TRIM45: variants seen among roughly 807,000 people sequenced by gnomAD.
TRIM45 encodes E3 ubiquitin-protein ligase TRIM45.
TRIM45 carries 45 observed loss-of-function variants against 46.7 expected under a neutral mutation model. The observed-to-expected ratio is 0.96, with a 90% CI of 0.76 to 1.24. The LOEUF (loss-of-function observed/expected upper bound fraction) is 1.24. Ranked by LOEUF, TRIM45 falls within the 50% of genes most tolerant of loss-of-function variation. The pLI is 0.00. For synonymous variants in TRIM45, 259 were observed against 285.8 expected (o/e 0.91, Z 0.94); for missense variants, 680 against 728.4 (o/e 0.93, Z 0.77).
intron 5 of TRIM45, 106 bp from the exon 6 acceptor site, chr1:117,112,559 G>C: frequency 8.9e-7 from 1 of 1,125,554 alleles, no homozygotes; most frequent in Non-Finnish European, 1.2e-6. Context: ...AGATTCATGG[G>C]AGTGAAAATA....
In TRIM45 at chr1:117,116,520, T is replaced by C. The variant is rs902474487; in HGVS notation, c.1352+96A>G. The C allele has an allele frequency of 1.1e-5, 17 of 1,505,700 alleles. No individual in the cohort carries two copies. The African/African-American group carries it at 2.3e-4, about 21-fold the overall frequency. 93.3% of individuals were successfully genotyped at this position (1,505,700 alleles called of 1,614,324 possible). On this transcript the variant is annotated intron_variant, in intron 3 of 5. Coordinates refer to ENST00000256649, the MANE Select transcript of TRIM45 (RefSeq NM_025188.4). The surrounding 1 kb of genome is among the most constrained non-coding windows in gnomAD (Gnocchi z 4.6). ...TCCCAAAGTGCTGGGATTACAGGCA[T>C]GAGCCACTGTGCCCAGCTCCAATAT...
Position 117,115,663 on chromosome 1 carries a change from T to A in TRIM45, c.1379A>T (p.Asn460Ile), listed in dbSNP as rs1650373198. Residue 460 changes from asparagine to isoleucine, a missense_variant, in exon 4 of 6, where the codon AAC becomes ATC. Physicochemically the swap from Asn to Ile is moderately radical, Grantham distance 149 (BLOSUM62 -3). Transcript: ENST00000256649. This position sits in a 1 kb window ranked among gnomAD's most constrained non-coding sequence, Gnocchi z 4.2. ...GGAAATGTAGTATGTCCCATCCTTG[T>A]TATCCTGGACCATTGTTCTGACTGG... The part of the protein sequence containing the change: ...DSPVRTMVQD[N>I]KDGTYYISYT... The A allele has an allele frequency of 6.2e-7, 1 of 1,613,944 alleles. No individual in the cohort carries two copies. Among genetic ancestry groups the A allele is most frequent in the African/African-American group, 1.3e-5 (1 of 74,914 alleles).
rs2101348141 is a variant in TRIM45, at chr1:117,118,270, T to A, written c.986A>T (p.Glu329Val). The change falls in exon 2 of 6, where the codon GAG becomes GTG. Residue 329 changes from glutamate (E) to valine (V), a missense_variant. Glu to Val is a moderately radical substitution (Grantham distance 121). Coordinates refer to ENST00000256649, the MANE Select transcript of TRIM45 (RefSeq NM_025188.4). This position sits in a 1 kb window ranked among gnomAD's most constrained non-coding sequence, Gnocchi z 5.7. ...QLLADMRTGV[E>V]FTEHLLTSGS... The stretch of plus-strand genomic sequence containing the variant: ...GCTGGTCAGCAAGTGCTCGGTGAAC[T>A]CCACTCCAGTCCGCATGTCTGCCAG... The A allele has an allele frequency of 6.2e-7, 1 of 1,614,180 alleles. No individual in the cohort carries two copies. Among genetic ancestry groups the A allele is most frequent in the East Asian group, 2.2e-5 (1 of 44,880 alleles).
Position 117,115,618 on chromosome 1 carries a change from C to A in TRIM45, c.1424G>T (p.Gly475Val). Residue 475 changes from glycine to valine, a missense_variant, in exon 4 of 6, where the codon GGC (glycine) becomes GTC (valine). This residue lies in a region of TRIM45 where 322 missense variants were observed against 359.3 expected (regional missense o/e 0.90). Coordinates refer to ENST00000256649, the MANE Select transcript of TRIM45 (RefSeq NM_025188.4). This position sits in a 1 kb window ranked among gnomAD's most constrained non-coding sequence, Gnocchi z 4.2. ...YYISYTPKEP[G>V]VYTVWVCIKE... ...GATGCAGACCCACACAGTATAGACG[C>A]CAGGTTCCTTGGGGGTGTAGGAAAT... 2 of 1,614,154 alleles carry A rather than the reference C, an allele frequency of 1.2e-6. No homozygotes were observed. Among genetic ancestry groups the A allele is most frequent in the African/African-American group, 1.3e-5 (1 of 75,028 alleles).
At position 117,111,162 on chromosome 1, in the gene TRIM45, C is replaced by T. The variant is rs1025731830; in HGVS notation, c.*1143G>A. The T allele has an allele frequency of 4.6e-5, 7 of 152,154 alleles. No individual in the cohort carries two copies. Among genetic ancestry groups the T allele is most frequent in the Non-Finnish European group, 8.8e-5 (6 of 68,024 alleles). 9.4% of individuals were successfully genotyped at this position (152,154 alleles called of 1,614,324 possible). ...GAAGACCTTGGCAGGGCTGAGGCACCAGTGCTGTGTACATCCTCTCCCCAA... is the reference window on the plus strand; with the variant it reads ...GAAGACCTTGGCAGGGCTGAGGCACTAGTGCTGTGTACATCCTCTCCCCAA... On this transcript the variant is annotated 3_prime_UTR_variant, in exon 6 of 6. Coordinates refer to ENST00000256649, the MANE Select transcript of TRIM45 (RefSeq NM_025188.4).
At position 117,118,132 on chromosome 1, in the gene TRIM45, C is replaced by T. The variant is rs749902; in HGVS notation, c.1124G>A (p.Cys375Tyr). ...GCACTGGCCTGCTTTCTCCTGAGGA[C>T]AGAAGCGTATCTTATCATTTACTCC... ...RPGVNDKIRF[C>Y]PQEKAGQCRG... Residue 375 changes from cysteine to tyrosine, a missense_variant, in exon 2 of 6, where the codon TGT (cysteine) becomes TAT (tyrosine). This residue lies in a region of TRIM45 where 322 missense variants were observed against 359.3 expected (regional missense o/e 0.90). Coordinates refer to ENST00000256649, the MANE Select transcript of TRIM45 (RefSeq NM_025188.4). The surrounding 1 kb of genome is among the most constrained non-coding windows in gnomAD (Gnocchi z 5.7). 508,986 of 1,613,988 alleles carry T rather than the reference C, an allele frequency of 0.32. 83,870 individuals are homozygous for T. The highest frequency in any genetic ancestry group is 0.37 in the Admixed American group (22,123 of 60,002).
At position 117,117,346 on chromosome 1, in the gene TRIM45, T is replaced by A. The variant is rs1650438718; in HGVS notation, c.1223-601A>T. ...GGAATTGTATGCACAAGTTACTGGGTGTTTCTGTAGGAGAGAACATTCTCA... is the reference window on the plus strand; with the variant it reads ...GGAATTGTATGCACAAGTTACTGGGAGTTTCTGTAGGAGAGAACATTCTCA... On this transcript the variant is annotated intron_variant, in intron 2 of 5. Transcript: ENST00000256649. This position sits in a 1 kb window ranked among gnomAD's most constrained non-coding sequence, Gnocchi z 4.9. 6.6e-6 allele frequency among the ~76,000 whole-genome samples: 1 copy of A among 152,212 alleles called. No homozygotes were observed. The highest frequency in any genetic ancestry group is 1.5e-5 in the Non-Finnish European group (1 of 68,034).
rs990577107 is a variant in TRIM45, at chr1:117,121,725, G to A, written c.-524C>T. ...TGTCCACCGCCTCTCCCGCGCCTCG[G>A]CCCGGGACGCCCGCGGGCTCTGGCC... is the stretch of plus-strand genomic sequence containing the variant. On this transcript the variant is annotated 5_prime_UTR_variant, in exon 1 of 6. Transcript: ENST00000256649. The surrounding 1 kb of genome is among the most constrained non-coding windows in gnomAD (Gnocchi z 4.2). The A allele has an allele frequency of 4.0e-5, 24 of 603,102 alleles. No individual in the cohort carries two copies. Among genetic ancestry groups the A allele is most frequent in the African/African-American group, 2.9e-4 (15 of 51,124 alleles). The allele number at this position is 603,102 out of a possible 1,614,324, so 37.4% of individuals were successfully genotyped here.
Position 117,112,165 on chromosome 1 carries a change from A to C in TRIM45, c.*140T>G. 2.3e-6 allele frequency: 2 copies of C among 878,572 alleles called. No homozygotes were observed. The highest frequency in any genetic ancestry group is 3.1e-6 in the Non-Finnish European group (2 of 637,710). The allele number at this position is 878,572 out of a possible 1,614,324, so 54.4% of individuals were successfully genotyped here. A position where few individuals can be genotyped will look rare whatever the true frequency, so the allele number is the denominator to read the frequency against. ...AAGTACAATCAGTGAATAACTAACA[A>C]AAGAGCACTTGAACTCCAGTGCAAG... On this transcript the variant is annotated 3_prime_UTR_variant, in exon 6 of 6. Coordinates refer to ENST00000256649, the MANE Select transcript of TRIM45 (RefSeq NM_025188.4).
rs138895847 is a variant in TRIM45 at position 117,113,754 on chromosome 1, T to C, written c.1468-269A>G. On this transcript the variant is annotated intron_variant, in intron 4 of 5. Transcript: ENST00000256649. The surrounding 1 kb of genome is among the most constrained non-coding windows in gnomAD (Gnocchi z 4.0). ...AGTACTAGACGTAGGTACTGATTTA[T>C]TCCATGTAGCTGAACCTGCTGGACA... is the stretch of plus-strand genomic sequence containing the variant. 1.2e-3 allele frequency among the ~76,000 whole-genome samples: 188 copies of C among 152,324 alleles called. No individual in the cohort carries two copies. The highest frequency in any genetic ancestry group is 4.3e-3 in the African/African-American group (180 of 41,582).
Position 117,112,117 on chromosome 1 carries a change from G to T in TRIM45, c.*188C>A, listed in dbSNP as rs1007441070. The T allele has an allele frequency of 1.8e-6, 1 of 560,228 alleles. No homozygotes were observed. The highest frequency in any genetic ancestry group is 2.8e-6 in the Non-Finnish European group (1 of 356,478). The allele number at this position is 560,228 out of a possible 1,614,324, so 34.7% of individuals were successfully genotyped here. On this transcript the variant is annotated 3_prime_UTR_variant, in exon 6 of 6. Transcript: ENST00000256649. ...TACCTTTAAGAGAAATGTAGAGGTG[G>T]TTTTTTGTGCTCAACCATCCACAAG...
upstream of TRIM45, among the ~76,000 whole-genome samples, chr1:117,122,920 G>C (rs1188889209): frequency 6.6e-6 from 1 of 151,404 alleles, no homozygotes; most frequent in African/African-American, 2.4e-5. Context: ...TACTTAATTT[G>C]TACCCAGTGG....
upstream of TRIM45, among the ~76,000 whole-genome samples, chr1:117,123,851 G>T (rs531532272): frequency 6.6e-6 from 1 of 151,906 alleles, no homozygotes; most frequent in African/African-American, 2.4e-5. Flanking sequence ...GGCTCCTCTC[G>T]AACTCCTGAC....
chr1:117,122,726 C>T (rs985788564), upstream of TRIM45: 5 of 152,226 alleles, frequency 3.3e-5, no homozygotes, highest in African/African-American at 1.2e-4. Context: ...GGAAGATGAA[C>T]ACGTCCGACC....
rs1295628232 is a variant in TRIM45, at chr1:117,111,105, A to G, written c.*1200T>C. On this transcript the variant is annotated 3_prime_UTR_variant, in exon 6 of 6. Coordinates refer to ENST00000256649, the MANE Select transcript of TRIM45 (RefSeq NM_025188.4). ...GTTTATTGCCATATAAGAAATCAAG[A>G]GTTTCAGAAGAACACACAAAATATA... 2.6e-5 allele frequency: 4 copies of G among 152,236 alleles called. No individual in the cohort carries two copies. The highest frequency in any genetic ancestry group is 9.6e-5 in the African/African-American group (4 of 41,454). 9.4% of individuals were successfully genotyped at this position (152,236 alleles called of 1,614,324 possible). A position where few individuals can be genotyped will look rare whatever the true frequency, so the allele number is the denominator to read the frequency against.
At chr1:117,120,620 G>T (rs1650581189) in intron 1 of TRIM45, 94 bp downstream of exon 1, 1 of 1,497,668 alleles carries the variant, frequency 6.7e-7, no homozygotes, top group Non-Finnish European at 8.9e-7. Context: ...TATTTGAGAA[G>T]GCTTTCCTTT....
At chr1:117,122,273 C>T (rs953610560), upstream of TRIM45, 1 of 157,938 alleles carries the variant, frequency 6.3e-6, no homozygotes, top group African/African-American at 2.4e-5. Context: ...GGGTTTGAGG[C>T]TGCGAGGCTC....
upstream of TRIM45, chr1:117,121,771 C>T (rs1276470480): frequency 2.8e-6 from 2 of 705,154 alleles, no homozygotes; most frequent in South Asian, 3.0e-5. The surrounding 1 kb of genome is among the most constrained non-coding windows in gnomAD (Gnocchi z 4.2). Flanking sequence ...CCAATCCCAG[C>T]CCGGTCTACT....
chr1:117,123,379 A>G (rs1318289857), upstream of TRIM45, among the ~76,000 whole-genome samples: 1 of 152,156 alleles, frequency 6.6e-6, no homozygotes, highest in Non-Finnish European at 1.5e-5. Flanking sequence ...TCTCTTGTTC[A>G]TACTGTATCA....
Sources: gnomAD v4.1 joint callset for allele counts (sites outside exome capture counted in the v4.1 genomes callset) on GRCh38, gnomAD v4.1.1 for gene constraint, gnomAD v4.1.1 regional missense constraint, Gnocchi (gnomAD v3.1) non-coding constraint, MANE v1.5 for transcripts, NCBI Gene and HGNC (gene_info 2026-07-23, HGNC 2026-07-21) for gene names.